The following NRXN1 variants were observed in gnomAD, a reference collection of about 807,000 sequenced individuals.
NRXN1 encodes the protein neurexin-1.
Under a neutral mutation model 150.9 loss-of-function variants are expected in NRXN1, and 39 were observed. The observed-to-expected ratio is 0.26, with a 90% CI of 0.20 to 0.34. NRXN1 has a LOEUF of 0.34. Ranked by LOEUF, NRXN1 falls within the 10% of genes least tolerant of loss-of-function variation. NRXN1 has a pLI of 1.00. For missense variants in NRXN1, 1,815 were observed against 1,949.9 expected (o/e 0.93, Z 1.30); for synonymous variants, 924 against 757.0 (o/e 1.22, Z -3.62).
intron 18 of NRXN1, among the ~76,000 whole-genome samples, chr2:50,189,486 C>T (rs2061318194): frequency 6.6e-6 from 1 of 152,050 alleles, no homozygotes; most frequent in Non-Finnish European, 1.5e-5. Context: ...GCATGTTCTG[C>T]ACATGTATCC....
chr2:49,930,599 C>G (rs1669962068), intron 22 of NRXN1, among the ~76,000 whole-genome samples: 1 of 152,152 alleles, frequency 6.6e-6, no homozygotes, highest in Non-Finnish European at 1.5e-5. Context: ...AACATTAATT[C>G]TATACTATTG....
chr2:50,148,322 A>T (rs948558879), intron 18 of NRXN1, among the ~76,000 whole-genome samples: 1 of 151,554 alleles, frequency 6.6e-6, no homozygotes, highest in African/African-American at 2.4e-5. Context: ...CTCATTTATA[A>T]ATCCAAAGCT....
Position 50,602,919 on chromosome 2 carries a change from G to A in NRXN1, c.1320+17103C>T, listed in dbSNP as rs555103497. Reference sequence around the variant, plus strand: ...ATGGACTCCAGCCCTGGGGCCAGCAGAGCTAGAACAGAAGACGCAGTCTGC... The same window carrying A: ...ATGGACTCCAGCCCTGGGGCCAGCAAAGCTAGAACAGAAGACGCAGTCTGC... On this transcript the variant is annotated intron_variant, in intron 8 of 22. Transcript: ENST00000401669. 3.9e-5 allele frequency among the ~76,000 whole-genome samples: 6 copies of A among 152,304 alleles called. No individual in the cohort carries two copies. In the South Asian group the frequency reaches 1.2e-3, roughly 32 times the overall value.
At chr2:50,638,643 A>G (rs764648909) in intron 5 of NRXN1, among the ~76,000 whole-genome samples, 2 of 152,136 alleles carry the variant, frequency 1.3e-5, no homozygotes, top group Non-Finnish European at 2.9e-5. Context: ...CACAGGCTCC[A>G]ATTGCTTTTT....
chr2:50,361,096 T>C (rs781376609), intron 17 of NRXN1, among the ~76,000 whole-genome samples: 26 of 152,166 alleles, frequency 1.7e-4, no homozygotes, highest in Non-Finnish European at 2.9e-4. Context: ...CCAGCATCTC[T>C]AGGACACAGC....
At chr2:50,580,169 T>C (rs1177930541) in intron 8 of NRXN1, among the ~76,000 whole-genome samples, 2 of 152,180 alleles carry the variant, frequency 1.3e-5, no homozygotes. Flanking sequence ...TGCACACCCA[T>C]ATTTTAAAAG....
intron 18 of NRXN1, among the ~76,000 whole-genome samples, chr2:50,220,276 G>A: frequency 6.6e-6 from 1 of 151,512 alleles, no homozygotes; most frequent in East Asian, 2.0e-4. Context: ...GCATTTCTCT[G>A]AATTCTCTGA....
intron 17 of NRXN1, among the ~76,000 whole-genome samples, chr2:50,335,192 G>T (rs908337620): frequency 6.6e-6 from 1 of 152,136 alleles, no homozygotes; most frequent in African/African-American, 2.4e-5. Context: ...TTTATTTTAA[G>T]AAATTCGCTA....
intron 17 of NRXN1, among the ~76,000 whole-genome samples, chr2:50,237,354 G>A (rs1433391350): frequency 6.6e-6 from 1 of 151,986 alleles, no homozygotes; most frequent in Admixed American, 6.6e-5. Context: ...ACATCAACTT[G>A]GTATTGAAAT....
chr2:50,424,542 A>G (rs2084329584), intron 17 of NRXN1, among the ~76,000 whole-genome samples: 2 of 152,212 alleles, frequency 1.3e-5, no homozygotes, highest in South Asian at 4.1e-4. Context: ...TCTACCTAAC[A>G]CTGGCTCTCT....
chr2:50,401,361 T>C (rs1203771659), intron 17 of NRXN1, among the ~76,000 whole-genome samples: 1 of 152,162 alleles, frequency 6.6e-6, no homozygotes, highest in Non-Finnish European at 1.5e-5. Flanking sequence ...TAGCAGTAAC[T>C]GCAGGACAGT....
At chr2:50,994,770 G>T (rs1231237083) in intron 2 of NRXN1, among the ~76,000 whole-genome samples, 3 of 151,830 alleles carry the variant, frequency 2.0e-5, no homozygotes, top group African/African-American at 7.3e-5. Context: ...ATTCAAAATA[G>T]GATTTTAAAT....
intron 7 of NRXN1, among the ~76,000 whole-genome samples, chr2:50,620,621 C>T (rs1375335252): frequency 6.6e-6 from 1 of 152,112 alleles, no homozygotes; most frequent in South Asian, 2.1e-4. Context: ...CTATTTCCAG[C>T]AACATCACTA....
chr2:50,899,667 A>G (rs982038072), intron 5 of NRXN1, among the ~76,000 whole-genome samples: 5 of 152,210 alleles, frequency 3.3e-5, no homozygotes, highest in Admixed American at 1.3e-4. Flanking sequence ...GGATGTATTA[A>G]AGAAAGTCTG....
rs941535999 is a variant in NRXN1, at chr2:49,920,145, T to C, written c.*1799A>G. 3.3e-5 allele frequency: 5 copies of C among 152,178 alleles called. No individual in the cohort carries two copies. The highest frequency in any genetic ancestry group is 1.2e-4 in the African/African-American group (5 of 41,440). 9.4% of individuals were successfully genotyped at this position (152,178 alleles called of 1,614,324 possible). A position where few individuals can be genotyped will look rare whatever the true frequency, so the allele number is the denominator to read the frequency against. On this transcript the variant is annotated 3_prime_UTR_variant, in exon 23 of 23. Coordinates refer to ENST00000401669, the MANE Select transcript of NRXN1 (RefSeq NM_001330078.2). The stretch of plus-strand genomic sequence containing the variant: ...ATATGCAAAACAAGTGTATAATCTA[T>C]ACTTTTCCACTACTTAATGTGTTAA...
At chr2:50,935,312 G>A (rs1003439351) in intron 2 of NRXN1, among the ~76,000 whole-genome samples, 1 of 152,058 alleles carries the variant, frequency 6.6e-6, no homozygotes, top group Non-Finnish European at 1.5e-5. Flanking sequence ...TAAGGCAATT[G>A]GATAAATGGA....
chr2:50,766,459 G>C (rs772705302), intron 5 of NRXN1, among the ~76,000 whole-genome samples: 4 of 152,044 alleles, frequency 2.6e-5, no homozygotes, highest in Non-Finnish European at 4.4e-5. Flanking sequence ...GGAGCTTTGA[G>C]AGAGGCAAGG....
chr2:49,955,536 T>C (rs1300699876), intron 21 of NRXN1, among the ~76,000 whole-genome samples: 1 of 152,038 alleles, frequency 6.6e-6, no homozygotes, highest in Non-Finnish European at 1.5e-5. Context: ...AGCATTCCTG[T>C]CCTTTGAGAA....
chr2:50,647,138 A>C (rs1306113582), intron 5 of NRXN1, among the ~76,000 whole-genome samples: 1 of 151,796 alleles, frequency 6.6e-6, no homozygotes, highest in Admixed American at 6.6e-5. Context: ...TCTCAAACAC[A>C]TCTCAATTTT....
Sources: gnomAD v4.1 joint callset for allele counts (sites outside exome capture counted in the v4.1 genomes callset) on GRCh38, gnomAD v4.1.1 for gene constraint, MANE v1.5 for transcripts, NCBI Gene and HGNC (gene_info 2026-07-23, HGNC 2026-07-21) for gene names.